LHX3: variants seen among roughly 807,000 people sequenced by gnomAD.
The protein encoded by LHX3 is LIM homeobox 3, also known as LIM/homeobox protein Lhx3.
In LHX3, 21 loss-of-function variants were observed where a neutral mutation model predicts 32.4. That is an observed-to-expected ratio of 0.65 (90% CI 0.46 to 0.93). The LOEUF (loss-of-function observed/expected upper bound fraction) is 0.93, where lower values mean the gene tolerates loss of function less well. LHX3 is among the 40% of genes least tolerant of loss of function. The probability of loss-of-function intolerance (pLI) is 0.00; values close to 1 mark genes in which losing one functional copy is unlikely to be tolerated. For synonymous variants in LHX3, 258 were observed against 246.8 expected (o/e 1.05, Z -0.43); for missense variants, 626 against 560.0 (o/e 1.12, Z -1.19).
chr9:136,204,679 C>T lies in LHX3; in HGVS notation c.79+255G>A, dbSNP rs146538979. ...CCCCTTGGTCGGCCCCATCGCCCCC[C>T]AGCTGTGCCTGCGATGCCCCCTTTT... On this transcript the variant is annotated intron_variant, in intron 1 of 5. Transcript: ENST00000371748. Among the ~76,000 whole-genome samples the T allele has an allele frequency of 1.3e-4, 20 of 152,308 alleles. No individual in the cohort carries two copies. In the East Asian group the frequency reaches 3.9e-3, roughly 29 times the overall value.
intron 1 of LHX3, chr9:136,201,148 C>A (rs999371023): frequency 2.2e-6 from 3 of 1,383,470 alleles, no homozygotes; most frequent in Admixed American, 6.5e-5. Context: ...CATAGGGAAA[C>A]GGGTCTTCAC....
chr9:136,200,075 G>C (rs1357353796), intron 2 of LHX3, 195 bp from the exon 3 acceptor site: 2 of 695,744 alleles, frequency 2.9e-6, no homozygotes, highest in Non-Finnish European at 5.2e-6. Context: ...CTCAATCTCA[G>C]AAAGACCTCG....
chr9:136,203,173 TG>T, intron 1 of LHX3: 1 of 1,236,272 alleles, frequency 8.1e-7, no homozygotes, highest in Non-Finnish European at 1.0e-6. Context: ...CGGGCCGCCC[TG>T]GGGCCCGGAG....
Position 136,197,534 on chromosome 9 carries a change from C to A in LHX3, c.985G>T (p.Gly329Cys). 6.5e-7 allele frequency: 1 copy of A among 1,527,450 alleles called. No homozygotes were observed. 94.6% of individuals were successfully genotyped at this position (1,527,450 alleles called of 1,614,324 possible). A position where few individuals can be genotyped will look rare whatever the true frequency, so the allele number is the denominator to read the frequency against. The change falls in exon 6 of 6, where the codon GGC becomes TGC. Residue 329 changes from glycine (G) to cysteine (C), a missense_variant. Physicochemically the swap from Gly to Cys is radical, Grantham distance 159 (BLOSUM62 -3). Coordinates refer to ENST00000371748, the MANE Select transcript of LHX3 (RefSeq NM_178138.6). ...AGGCTGGAGAGGAGGGGCTGGGGGC[C>A]AGGGAGGCTCTGCGGGGCGGCGGGG... ...PSPAAPQSLP[G>C]PQPLLSSLVY...
intron 4 of LHX3, 24 bp downstream of exon 4, chr9:136,198,884 A>C: frequency 6.3e-7 from 1 of 1,589,034 alleles, no homozygotes; most frequent in Non-Finnish European, 8.5e-7. Flanking sequence ...CGCGGGCGGG[A>C]GGGAAGCAGG....
chr9:136,198,905 G>GA lies in LHX3; in HGVS notation c.606+2dup. ...CGGGAGGGAAGCAGGGGCGAGCGCT[G>GA]ACCTGCACCACGCGCATGTCCAGGC... On this transcript the variant is annotated splice_region_variant and intron_variant, in intron 4 of 5. Coordinates refer to ENST00000371748, the MANE Select transcript of LHX3 (RefSeq NM_178138.6). 6.3e-7 allele frequency: 1 copy of GA among 1,589,516 alleles called. No homozygotes were observed. The highest frequency in any genetic ancestry group is 8.5e-7 in the Non-Finnish European group (1 of 1,172,750).
At chr9:136,204,693 A>G (rs1831716404) in intron 1 of LHX3, among the ~76,000 whole-genome samples, 1 of 152,000 alleles carries the variant, frequency 6.6e-6, no homozygotes, top group Admixed American at 6.5e-5. Flanking sequence ...TGTGCCTGCG[A>G]TGCCCCCTTT....
Position 136,197,429 on chromosome 9 carries a change from T to C in LHX3, c.1090A>G (p.Asn364Asp). ...GTGGATAGGTCAGAACTGGGTCCGTTCCCTGCCAGCACCCTCATGGGTGGG... is the reference window on the plus strand; with the variant it reads ...GTGGATAGGTCAGAACTGGGTCCGTCCCCTGCCAGCACCCTCATGGGTGGG... The part of the protein sequence containing the change: ...GPPPMRVLAG[N>D]GPSSDLSTGS... Residue 364 changes from asparagine to aspartate, a missense_variant, in exon 6 of 6, where the codon AAC becomes GAC. By Grantham distance (23) the Asn-to-Asp change is conservative. Transcript: ENST00000371748. 6.3e-7 allele frequency: 1 copy of C among 1,597,802 alleles called. No individual in the cohort carries two copies. Among genetic ancestry groups the C allele is most frequent in the South Asian group, 1.1e-5 (1 of 88,808 alleles).
rs1306093337 is a variant in LHX3 at position 136,198,913 on chromosome 9, C to G, written c.601G>C (p.Val201Leu). ...AAGCAGGGGCGAGCGCTGACCTGCA[C>G]CACGCGCATGTCCAGGCCCGTCTCG... ...SSETGLDMRV[V>L]QVWFQNRRAK... Residue 201 changes from valine (V) to leucine (L), a missense_variant, in exon 4 of 6, where the codon GTG (valine) becomes CTG (leucine). Val to Leu is a conservative substitution (Grantham distance 32). Coordinates refer to ENST00000371748, the MANE Select transcript of LHX3 (RefSeq NM_178138.6). 1 of 1,589,198 alleles carries G rather than the reference C, an allele frequency of 6.3e-7. No individual in the cohort carries two copies. The highest frequency in any genetic ancestry group is 1.7e-5 in the Admixed American group (1 of 58,272).
Position 136,200,791 on chromosome 9 carries a change from C to T in LHX3, c.80-38G>A, listed in dbSNP as rs907873575. ...GGAAGTTCTGGGTCACCTCGTAGAC[C>T]AGGAGGCAGTGAAGCCACCTTCCCA... On this transcript the variant is annotated intron_variant, in intron 1 of 5. Transcript: ENST00000371748. 29 of 1,611,252 alleles carry T rather than the reference C, an allele frequency of 1.8e-5. No homozygotes were observed. In the Admixed American group the frequency reaches 3.0e-4, roughly 17 times the overall value.
Position 136,196,973 on chromosome 9 carries a change from T to A in LHX3, c.*352A>T, listed in dbSNP as rs1035599766. 1 of 356,266 alleles carries A rather than the reference T, an allele frequency of 2.8e-6. No individual in the cohort carries two copies. The highest frequency in any genetic ancestry group is 5.2e-6 in the Non-Finnish European group (1 of 193,888). 22.1% of individuals were successfully genotyped at this position (356,266 alleles called of 1,614,324 possible). The stretch of plus-strand genomic sequence containing the variant: ...CTCAGTTTTAGAGATGAAAGCGTTT[T>A]TCCAGCCCTCGGGCTATGCTGGGCT... On this transcript the variant is annotated 3_prime_UTR_variant, in exon 6 of 6. Transcript: ENST00000371748.
chr9:136,200,370 C>G, intron 2 of LHX3: 1 of 607,518 alleles, frequency 1.6e-6, no homozygotes, highest in East Asian at 2.8e-5. Context: ...TGCTGATGTC[C>G]CAGCCAGGCC....
intron 1 of LHX3, chr9:136,201,503 G>T: frequency 8.5e-7 from 1 of 1,183,354 alleles, no homozygotes; most frequent in Non-Finnish European, 1.0e-6. Context: ...TGCCCTGTGG[G>T]AGCCTCGAGT....
At chr9:136,204,428 G>A (rs950376290) in intron 1 of LHX3, among the ~76,000 whole-genome samples, 2 of 152,244 alleles carry the variant, frequency 1.3e-5, no homozygotes, top group African/African-American at 4.8e-5. Context: ...GGCAGGACTG[G>A]GGAAGGGGCG....
intron 1 of LHX3, 146 bp from the exon 2 acceptor site, chr9:136,200,899 C>G: frequency 1.9e-6 from 2 of 1,032,546 alleles, no homozygotes; most frequent in Non-Finnish European, 2.9e-6. Flanking sequence ...ACCCTCTTCC[C>G]CAGCCAGCTT....
intron 5 of LHX3, 29 bp downstream of exon 5, chr9:136,198,623 C>A: frequency 6.4e-7 from 1 of 1,557,234 alleles, no homozygotes; most frequent in Non-Finnish European, 8.7e-7. Context: ...CGCTCGTCCC[C>A]CCCCGAGCTC....
At chr9:136,202,265 CG>C (rs1831658912) in intron 1 of LHX3, among the ~76,000 whole-genome samples, 2 of 152,208 alleles carry the variant, frequency 1.3e-5, no homozygotes. Flanking sequence ...CCCTTCCCGC[CG>C]GCCGGTCCCT....
rs1342706566 is a variant in LHX3, at chr9:136,200,637, C to T, written c.196G>A (p.Ala66Thr). Residue 66 changes from alanine to threonine, a missense_variant, in exon 2 of 6, where the codon GCC (alanine) becomes ACC (threonine). Coordinates refer to ENST00000371748, the MANE Select transcript of LHX3 (RefSeq NM_178138.6). ...LKCSDCHTPL[A>T]ERCFSRGESV... ...TCCCCTCGGCTGAAGCAGCGCTCGGCCAGTGGCGTGTGGCAGTCGCTGCAC... is the reference window on the plus strand; with the variant it reads ...TCCCCTCGGCTGAAGCAGCGCTCGGTCAGTGGCGTGTGGCAGTCGCTGCAC... The T allele has an allele frequency of 2.5e-6, 4 of 1,613,524 alleles. No individual in the cohort carries two copies. The highest frequency in any genetic ancestry group is 3.3e-5 in the Admixed American group (2 of 60,006).
At chr9:136,199,177 C>T in intron 3 of LHX3, 118 bp from the exon 4 acceptor site, 2 of 494,844 alleles carry the variant, frequency 4.0e-6, no homozygotes, top group East Asian at 4.4e-5. Context: ...CCCCATCCCG[C>T]CCCACAGGCT....
Sources: allele counts gnomAD v4.1 joint callset (sites outside exome capture counted in the v4.1 genomes callset), GRCh38; gene constraint gnomAD v4.1.1; transcripts MANE v1.5; gene names NCBI Gene and HGNC (gene_info 2026-07-23, HGNC 2026-07-21).